Variants in GNAQ observed in about 807,000 individuals in gnomAD.
The protein encoded by GNAQ is G protein subunit alpha q, also known as guanine nucleotide-binding protein G(q) subunit alpha.
A neutral mutation model predicts 43.9 loss-of-function variants in GNAQ; 8 were observed. The ratio of observed to expected loss-of-function variants is 0.18; its 90% confidence interval spans 0.11 to 0.33. The LOEUF is 0.33. Ranked by LOEUF, GNAQ falls within the 10% of genes least tolerant of loss-of-function variation. The probability of loss-of-function intolerance (pLI) is 1.00; values close to 1 mark genes in which losing one functional copy is unlikely to be tolerated. For synonymous variants in GNAQ, 155 were observed against 170.7 expected, an observed-to-expected ratio of 0.91 and a Z score of 0.71; for missense variants, 158 against 450.8, an observed-to-expected ratio of 0.35 and a Z score of 5.88.
At chr9:77,966,762 TTGAAA>T (rs1264874838) in intron 1 of GNAQ, among the ~76,000 whole-genome samples, 1 of 152,220 alleles carries the variant, frequency 6.6e-6, no homozygotes, top group Non-Finnish European at 1.5e-5. Context: ...AAATCGCTTC[TTGAAA>T]TGAAATACTA....
chr9:77,872,438 C>T (rs1430052537), intron 2 of GNAQ, among the ~76,000 whole-genome samples: 2 of 152,140 alleles, frequency 1.3e-5, no homozygotes, highest in African/African-American at 2.4e-5. Flanking sequence ...TCAGAGGGAA[C>T]ACAATGTGTA....
At chr9:77,773,105 T>G (rs1489410097) in intron 5 of GNAQ, among the ~76,000 whole-genome samples, 3 of 152,250 alleles carry the variant, frequency 2.0e-5, no homozygotes, top group Non-Finnish European at 2.9e-5. Context: ...TTTGGGCATG[T>G]TAAACCTTTT....
At chr9:77,840,661 A>G (rs1019539378) in intron 2 of GNAQ, among the ~76,000 whole-genome samples, 4 of 152,214 alleles carry the variant, frequency 2.6e-5, no homozygotes, top group African/African-American at 9.6e-5. Flanking sequence ...TATAACATAT[A>G]TAACATGTTT....
intron 1 of GNAQ, among the ~76,000 whole-genome samples, chr9:77,926,162 C>T (rs1379824578): frequency 6.6e-6 from 1 of 152,154 alleles, no homozygotes; most frequent in African/African-American, 2.4e-5. Context: ...AGTTCTATGA[C>T]AGAGACAAAT....
chr9:77,821,947 G>T (rs1015624454), intron 2 of GNAQ, among the ~76,000 whole-genome samples: 1 of 152,100 alleles, frequency 6.6e-6, no homozygotes, highest in African/African-American at 2.4e-5. Flanking sequence ...ATTAATTAAT[G>T]GAAAATTAAG....
At chr9:77,764,444 G>A (rs558480913) in intron 5 of GNAQ, among the ~76,000 whole-genome samples, 3 of 151,706 alleles carry the variant, frequency 2.0e-5, no homozygotes, top group African/African-American at 7.3e-5. Flanking sequence ...CATACTCTAT[G>A]ATTCTCTGAA....
intron 1 of GNAQ, among the ~76,000 whole-genome samples, chr9:78,008,569 T>C (rs1006220342): frequency 6.8e-6 from 1 of 146,868 alleles, no homozygotes; most frequent in Non-Finnish European, 1.5e-5. Context: ...ACTATCGATT[T>C]ATTTCATTTC....
intron 5 of GNAQ, among the ~76,000 whole-genome samples, chr9:77,783,597 C>T (rs1479400182): frequency 6.6e-6 from 1 of 152,148 alleles, no homozygotes; most frequent in African/African-American, 2.4e-5. Context: ...CTGCTCTGAC[C>T]TTGCTGCTGC....
At chr9:77,778,847 T>G (rs1826345197) in intron 5 of GNAQ, among the ~76,000 whole-genome samples, 1 of 151,984 alleles carries the variant, frequency 6.6e-6, no homozygotes, top group Non-Finnish European at 1.5e-5. Flanking sequence ...CCTTACATAA[T>G]GATAACGGGG....
chr9:77,876,885 CT>C lies in GNAQ; in HGVS notation c.321+45275del, dbSNP rs1446929930. Among the ~76,000 whole-genome samples, 11 of 152,118 alleles carry C rather than the reference CT, an allele frequency of 7.2e-5. No individual in the cohort carries two copies. The South Asian group carries it at 2.3e-3, about 32-fold the overall frequency. Reference sequence around the variant, plus strand: ...ACAGCGATAGTCTCAACTTGACTTTCTTTATCTCTTAGCCACAAAATAGAAC... The same window carrying C: ...ACAGCGATAGTCTCAACTTGACTTTCTTATCTCTTAGCCACAAAATAGAAC... On this transcript the variant is annotated intron_variant, in intron 2 of 6. Coordinates refer to ENST00000286548, the MANE Select transcript of GNAQ (RefSeq NM_002072.5).
intron 5 of GNAQ, among the ~76,000 whole-genome samples, chr9:77,764,614 C>A (rs931648587): frequency 2.0e-5 from 3 of 152,066 alleles, no homozygotes; most frequent in Admixed American, 2.0e-4. Flanking sequence ...CGCCACCATG[C>A]CCGGCTAATT....
At chr9:77,881,131 A>G (rs922202932) in intron 2 of GNAQ, among the ~76,000 whole-genome samples, 48 of 152,074 alleles carry the variant, frequency 3.2e-4, no homozygotes, top group African/African-American at 1.1e-3. Context: ...ACTACTATCT[A>G]TTTTGTTCCC....
At position 77,738,310 on chromosome 9, in the gene GNAQ, C is replaced by T. The variant is rs566830616; in HGVS notation, c.736-9643G>A. Among the ~76,000 whole-genome samples the T allele has an allele frequency of 2.4e-4, 25 of 103,650 alleles. No individual in the cohort carries two copies. In the South Asian group the frequency reaches 7.6e-3, roughly 31 times the overall value. The allele number at this position is 103,650 out of a possible 152,430, so 68.0% of individuals were successfully genotyped here. A position where few individuals can be genotyped will look rare whatever the true frequency, so the allele number is the denominator to read the frequency against. On this transcript the variant is annotated intron_variant, in intron 5 of 6. Transcript: ENST00000286548. The stretch of plus-strand genomic sequence containing the variant: ...ATACTACTTGAATGTTAATAGCACG[C>T]TACAAACCACACACACACACACACT...
At chr9:77,824,124 A>G (rs969250893) in intron 2 of GNAQ, among the ~76,000 whole-genome samples, 1 of 152,152 alleles carries the variant, frequency 6.6e-6, no homozygotes, top group Non-Finnish European at 1.5e-5. Flanking sequence ...TCAGAGAACT[A>G]TATTTTTTCA....
intron 1 of GNAQ, among the ~76,000 whole-genome samples, chr9:77,973,680 G>A (rs1823265879): frequency 6.6e-6 from 1 of 152,160 alleles, no homozygotes; most frequent in African/African-American, 2.4e-5. Flanking sequence ...AGCTGGGCAT[G>A]GTGGCGTGTG....
intron 5 of GNAQ, among the ~76,000 whole-genome samples, chr9:77,768,963 G>A (rs1181475591): frequency 6.6e-6 from 1 of 152,176 alleles, no homozygotes; most frequent in East Asian, 1.9e-4. Context: ...CTAGCACTGA[G>A]AATTCCTTAA....
chr9:78,024,236 A>C (rs1238848808), intron 1 of GNAQ, among the ~76,000 whole-genome samples: 3 of 152,226 alleles, frequency 2.0e-5, no homozygotes, highest in South Asian at 2.1e-4. Context: ...GAAGGCAAGA[A>C]GGCAAAAACT....
At chr9:77,936,049 A>G (rs1829226517) in intron 1 of GNAQ, among the ~76,000 whole-genome samples, 1 of 152,216 alleles carries the variant, frequency 6.6e-6, no homozygotes, top group African/African-American at 2.4e-5. Flanking sequence ...TACAACCAGA[A>G]TTACTCCTTG....
chr9:77,944,438 C>T (rs1280291595), intron 1 of GNAQ, among the ~76,000 whole-genome samples: 1 of 151,870 alleles, frequency 6.6e-6, no homozygotes, highest in Non-Finnish European at 1.5e-5. Context: ...ACCATCAAGC[C>T]GCCTCACCCC....
Sources: gnomAD v4.1 joint callset for allele counts (sites outside exome capture counted in the v4.1 genomes callset) on GRCh38, gnomAD v4.1.1 for gene constraint, MANE v1.5 for transcripts, NCBI Gene and HGNC (gene_info 2026-07-23, HGNC 2026-07-21) for gene names.